The following XIRP2 variants were observed in gnomAD, a reference collection of about 807,000 sequenced individuals.
The protein encoded by XIRP2 is xin actin-binding repeat-containing protein 2.
XIRP2 carries 236 observed loss-of-function variants against 277.0 expected under a neutral mutation model. That is an observed-to-expected ratio of 0.85 (90% confidence interval 0.77 to 0.95). XIRP2 has a LOEUF of 0.95. XIRP2 is among the 40% of genes least tolerant of loss of function. The probability of loss-of-function intolerance (pLI) is 0.00; values close to 1 mark genes in which losing one functional copy is unlikely to be tolerated. For missense variants in XIRP2, 4,640 were observed against 4,157.5 expected, an observed-to-expected ratio of 1.12 and a Z score of -3.19; for synonymous variants, 1,490 against 1,416.5, an observed-to-expected ratio of 1.05 and a Z score of -1.17.
At chr2:167,035,624 C>T (rs1339784908) in intron 2 of XIRP2, among the ~76,000 whole-genome samples, 1 of 152,118 alleles carries the variant, frequency 6.6e-6, no homozygotes, top group Non-Finnish European at 1.5e-5. Context: ...CATAAAAGGT[C>T]GGAACATGGG....
intron 2 of XIRP2, among the ~76,000 whole-genome samples, chr2:166,928,635 T>C (rs1007751126): frequency 6.6e-6 from 1 of 152,146 alleles, no homozygotes; most frequent in Non-Finnish European, 1.5e-5. Context: ...TTTAATTTCT[T>C]ATCTTAATTT....
intron 2 of XIRP2, among the ~76,000 whole-genome samples, chr2:166,986,041 T>C (rs1686995774): frequency 6.6e-6 from 1 of 152,176 alleles, no homozygotes; most frequent in African/African-American, 2.4e-5. Context: ...TTGCACCAGG[T>C]TGTACCAGAG....
chr2:167,229,963 G>A (rs112201705), intron 5 of XIRP2, among the ~76,000 whole-genome samples: 6 of 152,092 alleles, frequency 3.9e-5, no homozygotes, highest in African/African-American at 1.4e-4. Flanking sequence ...GCATGGAAAG[G>A]AGGAAACTGT....
chr2:166,923,222 T>C (rs574417350), intron 2 of XIRP2, among the ~76,000 whole-genome samples: 1 of 152,218 alleles, frequency 6.6e-6, no homozygotes, highest in South Asian at 2.1e-4. Context: ...TAAAAGTAAC[T>C]GTAAAGTTAC....
At chr2:167,011,280 A>C (rs960983029) in intron 2 of XIRP2, among the ~76,000 whole-genome samples, 2 of 151,516 alleles carry the variant, frequency 1.3e-5, no homozygotes, top group African/African-American at 4.9e-5. Flanking sequence ...TTTTAGCATG[A>C]AGGGTTGTTG....
intron 3 of XIRP2, among the ~76,000 whole-genome samples, chr2:167,145,746 G>T (rs898088112): frequency 1.3e-5 from 2 of 152,144 alleles, no homozygotes; most frequent in African/African-American, 4.8e-5. Flanking sequence ...TATTCAGGGA[G>T]CCCCAAACTG....
chr2:166,988,451 A>AAAAATTTGAGTAAGATCTAAAG (rs1480369514), intron 2 of XIRP2, among the ~76,000 whole-genome samples: 5 of 150,856 alleles, frequency 3.3e-5, no homozygotes, highest in African/African-American at 7.3e-5. Context: ...GGAAAACTTT[A>AAAAATTTGAGTAAGATCTAAAG]GTTGGAGGAG....
At chr2:167,070,967 C>A (rs1180279869) in intron 2 of XIRP2, among the ~76,000 whole-genome samples, 1 of 152,176 alleles carries the variant, frequency 6.6e-6, no homozygotes, top group Non-Finnish European at 1.5e-5. Context: ...AAATTCACAG[C>A]AATATCATTT....
intron 5 of XIRP2, among the ~76,000 whole-genome samples, chr2:167,236,785 TG>T (rs764213782): frequency 3.3e-5 from 5 of 152,120 alleles, no homozygotes; most frequent in Non-Finnish European, 7.4e-5. Flanking sequence ...TATGAATTAT[TG>T]GTGTGAATTT....
intron 2 of XIRP2, among the ~76,000 whole-genome samples, chr2:166,985,165 T>C (rs1686969025): frequency 6.6e-6 from 1 of 152,210 alleles, no homozygotes; most frequent in African/African-American, 2.4e-5. Context: ...AATTCTTTTT[T>C]TCCCCTTTGT....
chr2:167,161,856 C>G (rs141320394), intron 3 of XIRP2, among the ~76,000 whole-genome samples: 11 of 152,268 alleles, frequency 7.2e-5, no homozygotes, highest in African/African-American at 2.4e-4. Context: ...TGCAAATTTT[C>G]CAAACTCTTA....
At position 167,202,089 on chromosome 2, in the gene XIRP2, T is replaced by G. The variant is rs542292432; in HGVS notation, c.563-8646T>G. On this transcript the variant is annotated intron_variant, in intron 3 of 10. Transcript: ENST00000409195. ...ACTGATAGCTATCATTATTATAATGTAATATACGTCTGATTGTACTAGAGA... is the reference window on the plus strand; with the variant it reads ...ACTGATAGCTATCATTATTATAATGGAATATACGTCTGATTGTACTAGAGA... 3.3e-5 allele frequency among the ~76,000 whole-genome samples: 5 copies of G among 152,256 alleles called. No homozygotes were observed. The East Asian group carries it at 9.6e-4, about 29-fold the overall frequency.
chr2:167,183,173 G>C (rs893215852), intron 3 of XIRP2, among the ~76,000 whole-genome samples: 1 of 152,188 alleles, frequency 6.6e-6, no homozygotes, highest in Non-Finnish European at 1.5e-5. Flanking sequence ...TAGGGGCTCT[G>C]TTTTGCTAAA....
At chr2:167,189,001 T>C (rs1252644076) in intron 3 of XIRP2, among the ~76,000 whole-genome samples, 2 of 152,204 alleles carry the variant, frequency 1.3e-5, no homozygotes, top group Non-Finnish European at 2.9e-5. Flanking sequence ...TTGCCTTTCT[T>C]CAGCTTTAAT....
At chr2:167,084,779 G>A (rs1333150933) in intron 2 of XIRP2, among the ~76,000 whole-genome samples, 1 of 147,252 alleles carries the variant, frequency 6.8e-6, no homozygotes, top group Admixed American at 6.8e-5. Flanking sequence ...TGTGGGATCG[G>A]TGGTGATATC....
intron 2 of XIRP2, among the ~76,000 whole-genome samples, chr2:167,041,513 G>T (rs1688660644): frequency 6.6e-6 from 1 of 152,046 alleles, no homozygotes; most frequent in African/African-American, 2.4e-5. Context: ...GCAATTACAA[G>T]AATTTCATAA....
intron 2 of XIRP2, among the ~76,000 whole-genome samples, chr2:166,930,109 T>C (rs1380005700): frequency 6.6e-6 from 1 of 152,146 alleles, no homozygotes; most frequent in Admixed American, 6.6e-5. Flanking sequence ...ATGTTGCCCA[T>C]GGAAATGTTC....
intron 2 of XIRP2, among the ~76,000 whole-genome samples, chr2:167,012,162 A>G (rs1687697870): frequency 6.6e-6 from 1 of 151,690 alleles, no homozygotes; most frequent in South Asian, 2.1e-4. Flanking sequence ...TAGGGTGTCA[A>G]TTTTGGATCT....
At chr2:166,979,079 A>C (rs1198885753) in intron 2 of XIRP2, among the ~76,000 whole-genome samples, 1 of 152,224 alleles carries the variant, frequency 6.6e-6, no homozygotes, top group African/African-American at 2.4e-5. Context: ...TTTCTACATG[A>C]CAAATTTTGT....
Sources: allele counts gnomAD v4.1 joint callset (sites outside exome capture counted in the v4.1 genomes callset), GRCh38; gene constraint gnomAD v4.1.1; transcripts MANE v1.5; gene names NCBI Gene and HGNC (gene_info 2026-07-23, HGNC 2026-07-21).